USP13: variants seen among roughly 807,000 people sequenced by gnomAD.
The protein encoded by USP13 is ubiquitin carboxyl-terminal hydrolase 13.
In USP13, 68 loss-of-function variants were observed where a neutral mutation model predicts 107.8. The ratio of observed to expected loss-of-function variants is 0.63; its 90% CI spans 0.52 to 0.77. The LOEUF (loss-of-function observed/expected upper bound fraction) is 0.77. Ranked by LOEUF, USP13 falls within the 30% of genes least tolerant of loss-of-function variation. The pLI is 0.00. For missense variants in USP13, 945 were observed against 1,093.3 expected, an observed-to-expected ratio of 0.86 and a Z score of 1.91; for synonymous variants, 377 against 389.5, an observed-to-expected ratio of 0.97 and a Z score of 0.38.
chr3:179,718,504 T>C (rs747488168), intron 6 of USP13, among the ~76,000 whole-genome samples: 3 of 152,108 alleles, frequency 2.0e-5, no homozygotes, highest in Non-Finnish European at 4.4e-5. Context: ...GGGAAGAAGA[T>C]TGGGCCAGGA....
intron 19 of USP13, among the ~76,000 whole-genome samples, chr3:179,774,168 C>T (rs1415946792): frequency 3.3e-5 from 5 of 152,082 alleles, no homozygotes; most frequent in African/African-American, 1.2e-4. Context: ...GAAGAGGTGT[C>T]ATGTTTTTTT....
intron 5 of USP13, among the ~76,000 whole-genome samples, chr3:179,707,514 C>T (rs1472799579): frequency 3.3e-5 from 5 of 152,094 alleles, no homozygotes; most frequent in African/African-American, 4.8e-5. Context: ...GTGGCCTGAG[C>T]CCCAGTCGCC....
intron 17 of USP13, among the ~76,000 whole-genome samples, chr3:179,762,438 G>A (rs1715041633): frequency 6.6e-6 from 1 of 152,148 alleles, no homozygotes; most frequent in Admixed American, 6.6e-5. Context: ...AAAATTGTCT[G>A]GGCATGGTGG....
At chr3:179,761,779 A>G (rs900236975) in intron 17 of USP13, among the ~76,000 whole-genome samples, 20 of 152,324 alleles carry the variant, frequency 1.3e-4, no homozygotes, top group African/African-American at 4.3e-4. Context: ...TTATTGAGAT[A>G]TAATTCATCC....
At chr3:179,770,074 T>G (rs1715300581) in intron 19 of USP13, among the ~76,000 whole-genome samples, 1 of 152,218 alleles carries the variant, frequency 6.6e-6, no homozygotes, top group Admixed American at 6.5e-5. Context: ...CTTTTTATAT[T>G]TTTTGTATCT....
chr3:179,700,921 G>C, intron 3 of USP13, 87 bp from the exon 4 acceptor site: 3 of 1,460,584 alleles, frequency 2.1e-6, no homozygotes, highest in Non-Finnish European at 1.8e-6. Flanking sequence ...TCATCACCTT[G>C]GATTTCTGGC....
rs1463446954 is a variant in USP13 at position 179,754,868 on chromosome 3, C to G, written c.1921+14C>G. 3.1e-6 allele frequency: 5 copies of G among 1,604,816 alleles called. No homozygotes were observed. Among genetic ancestry groups the G allele is most frequent in the Non-Finnish European group, 4.3e-6 (5 of 1,175,974 alleles). On this transcript the variant is annotated intron_variant, in intron 15 of 20. Coordinates refer to ENST00000263966, the MANE Select transcript of USP13 (RefSeq NM_003940.3). ...ATGACTCAAAAGGTACCATCTCCTG[C>G]CAGGAGAATATGCGCTACCCTCCCA...
chr3:179,657,195 T>G (rs956105289), intron 1 of USP13, among the ~76,000 whole-genome samples: 3 of 152,158 alleles, frequency 2.0e-5, no homozygotes, highest in Non-Finnish European at 4.4e-5. Context: ...GTCTGGCCAA[T>G]TAGTAATCAC....
chr3:179,752,990 G>C (rs1714664556), intron 14 of USP13, among the ~76,000 whole-genome samples: 1 of 152,218 alleles, frequency 6.6e-6, no homozygotes, highest in African/African-American at 2.4e-5. Context: ...ACCATTGTTA[G>C]AGGTTAATTT....
Position 179,720,030 on chromosome 3 carries a change from A to C in USP13, c.896A>C (p.His299Pro). The change falls in exon 7 of 21, where the codon CAT becomes CCT. Residue 299 changes from histidine to proline, a missense_variant. His to Pro is a moderately conservative substitution (Grantham distance 77). Transcript: ENST00000263966. ...TTTGGAATTGATATGCTTCATATGC[A>C]TGGGGTGAGGTCTCCTTTTGTTTCT... The part of the protein sequence containing the change: ...AHFGIDMLHM[H>P]GTENGLQDND... 2 of 1,613,524 alleles carry C rather than the reference A, an allele frequency of 1.2e-6. No individual in the cohort carries two copies.
Position 179,736,207 on chromosome 3 carries a change from T to C in USP13, c.1255-4040T>C, listed in dbSNP as rs149372129. On this transcript the variant is annotated intron_variant, in intron 10 of 20. Coordinates refer to ENST00000263966, the MANE Select transcript of USP13 (RefSeq NM_003940.3). ...CAAACTATTGATTTGTTGAAGGAGC[T>C]GGACTATTTGCTTTAAGTTTGCTCT... Among the ~76,000 whole-genome samples, 410 of 152,336 alleles carry C rather than the reference T, an allele frequency of 2.7e-3. 2 individuals carry two copies. Among genetic ancestry groups the C allele is most frequent in the African/African-American group, 9.5e-3 (394 of 41,568 alleles).
intron 20 of USP13, among the ~76,000 whole-genome samples, chr3:179,782,214 TAATG>T (rs1161190757): frequency 2.0e-5 from 3 of 152,206 alleles, no homozygotes; most frequent in African/African-American, 7.2e-5. Context: ...TTCAGATAAA[TAATG>T]AATAATTTTT....
At chr3:179,677,535 G>A (rs951059379) in intron 1 of USP13, among the ~76,000 whole-genome samples, 4 of 151,974 alleles carry the variant, frequency 2.6e-5, no homozygotes, top group Admixed American at 6.6e-5. Flanking sequence ...AGCCAAGATC[G>A]CGCCATTGCA....
chr3:179,733,241 A>C (rs894697818), intron 10 of USP13, among the ~76,000 whole-genome samples: 1 of 152,124 alleles, frequency 6.6e-6, no homozygotes, highest in Non-Finnish European at 1.5e-5. Context: ...GATTATGAGA[A>C]GCATATATGT....
intron 1 of USP13, among the ~76,000 whole-genome samples, chr3:179,662,044 A>C (rs551659917): frequency 3.9e-5 from 6 of 152,162 alleles, no homozygotes; most frequent in Non-Finnish European, 8.8e-5. Flanking sequence ...TGTGGCTCTC[A>C]TGCCCTTTCC....
intron 2 of USP13, among the ~76,000 whole-genome samples, chr3:179,687,005 CAGA>C (rs1007481548): frequency 5.3e-5 from 8 of 152,232 alleles, no homozygotes; most frequent in Admixed American, 5.2e-4. Flanking sequence ...TCTTCTTCCT[CAGA>C]AGGATACTTT....
intron 19 of USP13, among the ~76,000 whole-genome samples, chr3:179,776,174 C>CT (rs1715531420): frequency 6.6e-6 from 1 of 152,128 alleles, no homozygotes; most frequent in Non-Finnish European, 1.5e-5. Flanking sequence ...GAGCCAGCAA[C>CT]TTTTTTCTCT....
At chr3:179,757,008 A>C (rs1462869309) in intron 15 of USP13, 44 bp from the exon 16 acceptor site, 3 of 1,610,174 alleles carry the variant, frequency 1.9e-6, no homozygotes, top group Non-Finnish European at 2.5e-6. Context: ...AAAACTCCTC[A>C]ACATGGTTTG....
At chr3:179,717,554 G>T (rs1250700660) in intron 6 of USP13, among the ~76,000 whole-genome samples, 3 of 152,234 alleles carry the variant, frequency 2.0e-5, no homozygotes, top group African/African-American at 7.2e-5. Context: ...TTCAATTCTG[G>T]CAGTTTTATT....
Sources: allele counts gnomAD v4.1 joint callset (sites outside exome capture counted in the v4.1 genomes callset), GRCh38; gene constraint gnomAD v4.1.1; transcripts MANE v1.5; gene names NCBI Gene and HGNC (gene_info 2026-07-23, HGNC 2026-07-21).